Variants in SPATA6 observed in about 807,000 individuals in gnomAD.
The protein encoded by SPATA6 is spermatogenesis-associated protein 6.
A neutral mutation model predicts 65.3 loss-of-function variants in SPATA6; 56 were observed. The ratio of observed to expected loss-of-function variants is 0.86; its 90% CI spans 0.69 to 1.07. The LOEUF (loss-of-function observed/expected upper bound fraction) is 1.07, where lower values mean the gene tolerates loss of function less well. Ranked by LOEUF, SPATA6 falls within the 50% of genes least tolerant of loss-of-function variation. The pLI, the probability that SPATA6 is intolerant of heterozygous loss-of-function variation, is 0.00. For synonymous variants in SPATA6, 199 were observed against 213.2 expected (o/e 0.93, Z 0.58); for missense variants, 590 against 594.8 (o/e 0.99, Z 0.08).
At chr1:48,305,284 G>T (rs2148652720) in intron 12 of SPATA6, among the ~76,000 whole-genome samples, 1 of 152,254 alleles carries the variant, frequency 6.6e-6, no homozygotes, top group Non-Finnish European at 1.5e-5. Context: ...AGAATTCAAA[G>T]AACGTTTGGC....
rs375995952 is a variant in SPATA6 at position 48,361,045 on chromosome 1, T to G, written c.910-1275A>C. Among the ~76,000 whole-genome samples the G allele has an allele frequency of 2.2e-4, 33 of 152,294 alleles. No individual in the cohort carries two copies. The South Asian group carries it at 6.8e-3, about 32-fold the overall frequency. Reference sequence around the variant, plus strand: ...CTTCACATATCTATTAATCTATTAATCATTCAATATATTACAGCAGAGTTT... The same window carrying G: ...CTTCACATATCTATTAATCTATTAAGCATTCAATATATTACAGCAGAGTTT... On this transcript the variant is annotated intron_variant, in intron 9 of 12. Transcript: ENST00000371847.
chr1:48,356,694 G>C (rs1182732744), intron 10 of SPATA6, among the ~76,000 whole-genome samples: 2 of 151,808 alleles, frequency 1.3e-5, no homozygotes, highest in African/African-American at 4.8e-5. Flanking sequence ...TTTTAGTAGA[G>C]AGGTTTCATC....
chr1:48,288,298 G>A, the SPATA6 span, among the ~76,000 whole-genome samples: 1 of 152,178 alleles, frequency 6.6e-6, no homozygotes, highest in South Asian at 2.1e-4. Flanking sequence ...GATGATGCTA[G>A]CCTCATAAAG....
Position 48,472,019 on chromosome 1 carries a change from AG to A in SPATA6, c.-12del. ...CTTCACCTTCGGCATCCGTGCGGGG[AG>A]GGGCGGCGGGGAGTGACCCCGGCCA... is the stretch of plus-strand genomic sequence containing the variant. On this transcript the variant is annotated 5_prime_UTR_variant, in exon 1 of 13. Coordinates refer to ENST00000371847, the MANE Select transcript of SPATA6 (RefSeq NM_019073.4). 1 of 1,487,318 alleles carries A rather than the reference AG, an allele frequency of 6.7e-7. No individual in the cohort carries two copies. 92.1% of individuals were successfully genotyped at this position (1,487,318 alleles called of 1,614,324 possible). A position where few individuals can be genotyped will look rare whatever the true frequency, so the allele number is the denominator to read the frequency against.
the SPATA6 span, among the ~76,000 whole-genome samples, chr1:48,269,144 G>A: frequency 6.6e-6 from 1 of 152,086 alleles, no homozygotes; most frequent in Admixed American, 6.5e-5. Context: ...TTGGTCCTAT[G>A]TCTTAAAATA....
chr1:48,326,380 A>G (rs1645760294), intron 11 of SPATA6, among the ~76,000 whole-genome samples: 1 of 152,172 alleles, frequency 6.6e-6, no homozygotes. Flanking sequence ...AAAACATCCC[A>G]TGCTCATGGT....
the SPATA6 span, among the ~76,000 whole-genome samples, chr1:48,286,205 A>T: frequency 7.1e-6 from 1 of 141,102 alleles, no homozygotes; most frequent in African/African-American, 2.9e-5. Context: ...TTTTTCTGTA[A>T]AAAAAAAAAT....
intron 9 of SPATA6, 59 bp from the exon 10 acceptor site, chr1:48,359,829 T>C (rs1646760422): frequency 7.6e-7 from 1 of 1,319,838 alleles, no homozygotes; most frequent in African/African-American, 1.5e-5. Flanking sequence ...GTATATAACA[T>C]ATTATATAGT....
chr1:48,343,330 A>G (rs903756800), intron 11 of SPATA6, among the ~76,000 whole-genome samples: 1 of 152,182 alleles, frequency 6.6e-6, no homozygotes, highest in Non-Finnish European at 1.5e-5. Flanking sequence ...TGAGTTCACA[A>G]TTATCTAAAA....
In SPATA6 at chr1:48,433,131, G is replaced by A. The variant is rs1014387775; in HGVS notation, c.238+18421C>T. ...AATGGTAGTTGCAAGAGACTGCAGGGAGGGGAAAATGGGTGTTATTGTTTA... is the reference window on the plus strand; with the variant it reads ...AATGGTAGTTGCAAGAGACTGCAGGAAGGGGAAAATGGGTGTTATTGTTTA... On this transcript the variant is annotated intron_variant, in intron 3 of 12. Coordinates refer to ENST00000371847, the MANE Select transcript of SPATA6 (RefSeq NM_019073.4). Among the ~76,000 whole-genome samples the A allele has an allele frequency of 3.9e-4, 60 of 152,240 alleles. 1 individual carries two copies. The highest frequency in any genetic ancestry group is 6.8e-3 in the Middle Eastern group (2 of 292).
intron 9 of SPATA6, among the ~76,000 whole-genome samples, chr1:48,362,182 A>G (rs1473404246): frequency 3.3e-5 from 5 of 152,000 alleles, no homozygotes; most frequent in Non-Finnish European, 7.3e-5. Flanking sequence ...TGAGCTCAGG[A>G]GTTCTATGTT....
intron 1 of SPATA6, among the ~76,000 whole-genome samples, chr1:48,462,264 C>T (rs1253036998): frequency 1.3e-5 from 2 of 152,044 alleles, no homozygotes; most frequent in Admixed American, 6.6e-5. Context: ...TTAATGGGTG[C>T]AGCACACCAG....
chr1:48,375,334 A>G (rs1271341326), intron 9 of SPATA6, among the ~76,000 whole-genome samples: 1 of 152,088 alleles, frequency 6.6e-6, no homozygotes, highest in Non-Finnish European at 1.5e-5. Flanking sequence ...TGTCTTTGTC[A>G]CTTTTTGAGG....
At chr1:48,270,242 C>A in the SPATA6 span, among the ~76,000 whole-genome samples, 1 of 152,072 alleles carries the variant, frequency 6.6e-6, no homozygotes, top group South Asian at 2.1e-4. Context: ...CATTGATGTG[C>A]CTTTCATACA....
chr1:48,368,295 G>A (rs1392757860), intron 9 of SPATA6, among the ~76,000 whole-genome samples: 1 of 152,132 alleles, frequency 6.6e-6, no homozygotes, highest in Non-Finnish European at 1.5e-5. Context: ...TTCTCGAGGA[G>A]TATCTTTGTG....
At chr1:48,430,461 C>T (rs1435255422) in intron 3 of SPATA6, among the ~76,000 whole-genome samples, 2 of 152,048 alleles carry the variant, frequency 1.3e-5, no homozygotes, top group Non-Finnish European at 2.9e-5. Context: ...CTAGACCTGT[C>T]CTGCAAGAAA....
At chr1:48,308,157 C>T (rs1051174720) in intron 11 of SPATA6, among the ~76,000 whole-genome samples, 3 of 151,766 alleles carry the variant, frequency 2.0e-5, no homozygotes, top group Non-Finnish European at 4.4e-5. Flanking sequence ...TGTCTTTTTT[C>T]ATTTCTCCAT....
intron 11 of SPATA6, among the ~76,000 whole-genome samples, chr1:48,345,522 C>T (rs939539390): frequency 6.6e-6 from 1 of 152,008 alleles, no homozygotes; most frequent in Middle Eastern, 3.4e-3. Context: ...GTGATTGACA[C>T]GAAAAACCAT....
intron 8 of SPATA6, among the ~76,000 whole-genome samples, chr1:48,389,569 T>C (rs1430422732): frequency 6.6e-6 from 1 of 151,914 alleles, no homozygotes; most frequent in Non-Finnish European, 1.5e-5. Context: ...CCCATTAGAC[T>C]AACAGCAGAT....
Sources: gnomAD v4.1 joint callset for allele counts (sites outside exome capture counted in the v4.1 genomes callset) on GRCh38, gnomAD v4.1.1 for gene constraint, MANE v1.5 for transcripts, NCBI Gene and HGNC (gene_info 2026-07-23, HGNC 2026-07-21) for gene names.